The following RIC8B variants were observed in gnomAD, a reference collection of about 807,000 sequenced individuals.
RIC8B encodes RIC8 guanine nucleotide exchange factor B, also known as chaperone Ric-8B.
RIC8B carries 16 observed loss-of-function variants against 57.5 expected under a neutral mutation model. The observed-to-expected ratio is 0.28, with a 90% CI of 0.19 to 0.42. The LOEUF (loss-of-function observed/expected upper bound fraction) is 0.42, where lower values mean the gene tolerates loss of function less well. RIC8B is among the 10% of genes least tolerant of loss of function. The pLI is 1.00. For missense variants in RIC8B, 481 were observed against 677.0 expected, an observed-to-expected ratio of 0.71 and a Z score of 3.21; for synonymous variants, 216 against 250.8, an observed-to-expected ratio of 0.86 and a Z score of 1.31.
chr12:106,860,856 C>A (rs933212552), intron 8 of RIC8B, among the ~76,000 whole-genome samples: 4 of 152,050 alleles, frequency 2.6e-5, no homozygotes, highest in African/African-American at 9.7e-5. Flanking sequence ...GTAAAATAGG[C>A]AACAAGACAC....
intron 1 of RIC8B, 192 bp downstream of exon 1, chr12:106,775,021 C>T (rs2043387495): frequency 3.5e-6 from 2 of 575,840 alleles, no homozygotes; most frequent in African/African-American, 3.8e-5. Context: ...CCACTACCCC[C>T]ACTGTAGCGC....
intron 3 of RIC8B, among the ~76,000 whole-genome samples, chr12:106,824,055 C>T (rs1426574426): frequency 2.0e-5 from 3 of 152,320 alleles, no homozygotes; most frequent in East Asian, 3.9e-4. Flanking sequence ...TCCAACCCTT[C>T]CAGTCTCAGT....
rs201411394 is a variant in RIC8B at position 106,809,522 on chromosome 12, CAAAAAAAA to C, written c.133-5158_133-5151del. On this transcript the variant is annotated intron_variant, in intron 2 of 9. Coordinates refer to ENST00000392837, the MANE Select transcript of RIC8B (RefSeq NM_001330145.2). ...TGGGAGACAGAGAAGACTCTTGTCT[CAAAAAAAA>C]AAAAAAAAAAAAAAAGAATTGTGCA... 8.7e-3 allele frequency among the ~76,000 whole-genome samples: 917 copies of C among 105,596 alleles called. 10 individuals carry two copies. The highest frequency in any genetic ancestry group is 0.031 in the African/African-American group (888 of 28,404). 69.3% of individuals were successfully genotyped at this position (105,596 alleles called of 152,430 possible). A position where few individuals can be genotyped will look rare whatever the true frequency, so the allele number is the denominator to read the frequency against.
chr12:106,868,278 A>G, intron 8 of RIC8B: 2 of 456,520 alleles, frequency 4.4e-6, no homozygotes, highest in Non-Finnish European at 8.8e-6. Flanking sequence ...AAGTGCCTAC[A>G]GGCCTGATTT....
chr12:106,833,759 A>G (rs1041679676), intron 4 of RIC8B, among the ~76,000 whole-genome samples: 2 of 152,096 alleles, frequency 1.3e-5, no homozygotes, highest in African/African-American at 4.8e-5. Flanking sequence ...TTTTGTCCCC[A>G]CCAAATCTCA....
intron 1 of RIC8B, among the ~76,000 whole-genome samples, chr12:106,779,673 A>AC (rs1491356386): frequency 7.2e-4 from 102 of 141,044 alleles, no homozygotes; most frequent in African/African-American, 2.7e-3. Flanking sequence ...AGACACACAC[A>AC]AAAAAAAATT....
At chr12:106,883,216 G>C (rs1043816040) in intron 9 of RIC8B, among the ~76,000 whole-genome samples, 1 of 152,064 alleles carries the variant, frequency 6.6e-6, no homozygotes, top group Non-Finnish European at 1.5e-5. Context: ...CCACACCTGA[G>C]TTTACCAACC....
At position 106,792,397 on chromosome 12, in the gene RIC8B, T is replaced by G. The variant is rs993519463; in HGVS notation, c.132+8353T>G. Among the ~76,000 whole-genome samples the G allele has an allele frequency of 5.9e-5, 9 of 152,320 alleles. No individual in the cohort carries two copies. The East Asian group carries it at 1.7e-3, about 29-fold the overall frequency. ...TATACATGATCGTTGGATCACTTTT[T>G]AAGATTTCTGTCTGGGATAATAAGA... On this transcript the variant is annotated intron_variant, in intron 2 of 9. Transcript: ENST00000392837.
chr12:106,884,436 G>A lies in RIC8B; in HGVS notation c.1572-1468G>A, dbSNP rs149480709. Among the ~76,000 whole-genome samples the A allele has an allele frequency of 4.6e-5, 7 of 152,222 alleles. No individual in the cohort carries two copies. The East Asian group carries it at 1.4e-3, about 29-fold the overall frequency. On this transcript the variant is annotated intron_variant, in intron 9 of 9. Transcript: ENST00000392837. Reference sequence around the variant, plus strand: ...AAGATCACTGGACTAGGATTCAGGAGACCCATGTCCCAGGTCCAGCTCTGC... The same window carrying A: ...AAGATCACTGGACTAGGATTCAGGAAACCCATGTCCCAGGTCCAGCTCTGC...
Position 106,873,250 on chromosome 12 carries a change from T to G in RIC8B, c.1571+2308T>G, listed in dbSNP as rs181147685. On this transcript the variant is annotated intron_variant, in intron 9 of 9. Transcript: ENST00000392837. ...GCTTTGATGGTATCAATTTTGCCATTAAAGTTGAAGCAAAAGGCAACCTTG... is the reference window on the plus strand; with the variant it reads ...GCTTTGATGGTATCAATTTTGCCATGAAAGTTGAAGCAAAAGGCAACCTTG... 3.2e-6 allele frequency: 3 copies of G among 941,528 alleles called. No individual in the cohort carries two copies. In the East Asian group the frequency reaches 3.5e-4, roughly 109 times the overall value. The allele number at this position is 941,528 out of a possible 1,614,324, so 58.3% of individuals were successfully genotyped here. A position where few individuals can be genotyped will look rare whatever the true frequency, so the allele number is the denominator to read the frequency against.
At chr12:106,778,795 T>C (rs1251597835) in intron 1 of RIC8B, among the ~76,000 whole-genome samples, 1 of 152,176 alleles carries the variant, frequency 6.6e-6, no homozygotes, top group African/African-American at 2.4e-5. Context: ...TATTCCTCAA[T>C]ATCCAAAGGG....
rs1949018316 is a variant in RIC8B at position 106,842,835 on chromosome 12, G to T, written c.1065+18G>T. The T allele has an allele frequency of 6.9e-7, 1 of 1,459,814 alleles. No homozygotes were observed. Among genetic ancestry groups the T allele is most frequent in the African/African-American group, 1.4e-5 (1 of 71,666 alleles). The allele number at this position is 1,459,814 out of a possible 1,614,324, so 90.4% of individuals were successfully genotyped here. A position where few individuals can be genotyped will look rare whatever the true frequency, so the allele number is the denominator to read the frequency against. On this transcript the variant is annotated intron_variant, in intron 5 of 9. Transcript: ENST00000392837. ...TAGACAAGGTAAGGCTGATAAAATG[G>T]AAGCCCTGGGAAGATGCTTCCAAAG... is the stretch of plus-strand genomic sequence containing the variant.
At chr12:106,795,625 T>G (rs987837770) in intron 2 of RIC8B, among the ~76,000 whole-genome samples, 3 of 152,166 alleles carry the variant, frequency 2.0e-5, no homozygotes, top group African/African-American at 7.2e-5. Context: ...TGCTCCTTAA[T>G]GTACATGTGG....
intron 3 of RIC8B, chr12:106,822,631 ACT>A (rs2136317394): frequency 6.6e-6 from 1 of 152,254 alleles, no homozygotes; most frequent in Admixed American, 6.5e-5. Context: ...TCAGGATGAA[ACT>A]CTTGTGTAAT....
At chr12:106,878,369 A>C (rs1950764517) in intron 9 of RIC8B, among the ~76,000 whole-genome samples, 2 of 152,036 alleles carry the variant, frequency 1.3e-5, no homozygotes, top group African/African-American at 4.8e-5. Flanking sequence ...AGTTATTGGG[A>C]AACCCGTTAT....
intron 7 of RIC8B, 100 bp from the exon 8 acceptor site, chr12:106,860,168 G>T: frequency 1.9e-6 from 2 of 1,037,102 alleles, no homozygotes; most frequent in Non-Finnish European, 2.7e-6. Context: ...AAGGTTTACT[G>T]CCATAGTGTG....
chr12:106,840,019 A>T (rs562763463), intron 4 of RIC8B, among the ~76,000 whole-genome samples: 82 of 152,120 alleles, frequency 5.4e-4, no homozygotes, highest in Non-Finnish European at 7.5e-4. Flanking sequence ...CTCAAAAACA[A>T]TTTTTTTTAA....
At position 106,774,877 on chromosome 12, in the gene RIC8B, C is replaced by T. The variant is rs755177187; in HGVS notation, c.84+48C>T. The T allele has an allele frequency of 2.7e-5, 38 of 1,414,290 alleles. 1 individual carries two copies. In the Admixed American group the frequency reaches 7.8e-4, roughly 29 times the overall value. The allele number at this position is 1,414,290 out of a possible 1,614,324, so 87.6% of individuals were successfully genotyped here. A position where few individuals can be genotyped will look rare whatever the true frequency, so the allele number is the denominator to read the frequency against. Reference sequence around the variant, plus strand: ...GTGCGGTATCGCACCCCCGGGCCGCCCTCCGTGCTTGCACATCGCATCCTT... The same window carrying T: ...GTGCGGTATCGCACCCCCGGGCCGCTCTCCGTGCTTGCACATCGCATCCTT... On this transcript the variant is annotated intron_variant, in intron 1 of 9. Coordinates refer to ENST00000392837, the MANE Select transcript of RIC8B (RefSeq NM_001330145.2).
chr12:106,873,332 G>A (rs1950528965), intron 9 of RIC8B, among the ~76,000 whole-genome samples: 4 of 152,172 alleles, frequency 2.6e-5, no homozygotes, highest in Admixed American at 2.6e-4. Flanking sequence ...GTTTTACATT[G>A]TCTGCCTTTG....
Sources: allele counts gnomAD v4.1 joint callset (sites outside exome capture counted in the v4.1 genomes callset), GRCh38; gene constraint gnomAD v4.1.1; transcripts MANE v1.5; gene names NCBI Gene and HGNC (gene_info 2026-07-23, HGNC 2026-07-21).